PCDH15: variants seen among roughly 807,000 people sequenced by gnomAD.
PCDH15 encodes the protein protocadherin related 15, also known as protocadherin-15.
Under a neutral mutation model 178.5 loss-of-function variants are expected in PCDH15, and 129 were observed. That is an observed-to-expected ratio of 0.72 (90% CI 0.63 to 0.84). The LOEUF (loss-of-function observed/expected upper bound fraction) is 0.84, where lower values mean the gene tolerates loss of function less well. PCDH15 is among the 40% of genes least tolerant of loss of function. The pLI is 0.00. For synonymous variants in PCDH15, 800 were observed against 732.0 expected, an observed-to-expected ratio of 1.09 and a Z score of -1.50; for missense variants, 2,230 against 2,099.9, an observed-to-expected ratio of 1.06 and a Z score of -1.21.
intron 3 of PCDH15, among the ~76,000 whole-genome samples, chr10:54,892,959 A>G (rs1954487575): frequency 6.6e-6 from 1 of 152,052 alleles, no homozygotes; most frequent in Non-Finnish European, 1.5e-5. Flanking sequence ...GGCAAACTTA[A>G]TGAGAAATGT....
chr10:54,797,232 C>T (rs1952126628), intron 1 of PCDH15, among the ~76,000 whole-genome samples: 1 of 151,996 alleles, frequency 6.6e-6, no homozygotes, highest in South Asian at 2.1e-4. Flanking sequence ...AGTTACACCT[C>T]CTATCAATTT....
chr10:54,742,855 A>C (rs1225485335), intron 1 of PCDH15, among the ~76,000 whole-genome samples: 1 of 152,214 alleles, frequency 6.6e-6, no homozygotes, highest in East Asian at 1.9e-4. Context: ...CCACTATGGA[A>C]ATTTATGGAC....
intron 1 of PCDH15, among the ~76,000 whole-genome samples, chr10:55,318,065 G>T: frequency 6.6e-6 from 1 of 150,704 alleles, no homozygotes; most frequent in South Asian, 2.2e-4. Flanking sequence ...AGTTTAGAGC[G>T]TAAAACAACA....
chr10:54,338,891 T>A (rs1227812191), intron 6 of PCDH15, among the ~76,000 whole-genome samples: 1 of 132,032 alleles, frequency 7.6e-6, no homozygotes, highest in Non-Finnish European at 1.6e-5. Flanking sequence ...CAAAAAGACA[T>A]GATAATTATT....
At chr10:54,951,558 C>T (rs1369240867) in intron 2 of PCDH15, among the ~76,000 whole-genome samples, 3 of 151,840 alleles carry the variant, frequency 2.0e-5, no homozygotes, top group Non-Finnish European at 2.9e-5. Context: ...TTAGTTTTCA[C>T]CACATATGGG....
chr10:54,250,832 C>T (rs2056413394), intron 8 of PCDH15, among the ~76,000 whole-genome samples: 1 of 152,134 alleles, frequency 6.6e-6, no homozygotes, highest in South Asian at 2.1e-4. Context: ...ACATCCACTT[C>T]CCAATCTCTC....
At chr10:55,127,027 G>GTA (rs1271517182) in intron 2 of PCDH15, among the ~76,000 whole-genome samples, 1 of 151,854 alleles carries the variant, frequency 6.6e-6, no homozygotes, top group African/African-American at 2.4e-5. Context: ...ACAAAAACTA[G>GTA]TAGAACATAC....
intron 2 of PCDH15, among the ~76,000 whole-genome samples, chr10:55,616,483 A>G (rs1168652149): frequency 6.6e-6 from 1 of 150,442 alleles, no homozygotes; most frequent in African/African-American, 2.5e-5. Flanking sequence ...TTATTTTTTG[A>G]GTTTTCATTA....
chr10:53,869,779 GA>G (rs992303654), intron 26 of PCDH15, among the ~76,000 whole-genome samples: 104 of 146,234 alleles, frequency 7.1e-4, no homozygotes, highest in African/African-American at 9.7e-4. Flanking sequence ...CTTATCTCTT[GA>G]AAAAAAAAAA....
intron 2 of PCDH15, among the ~76,000 whole-genome samples, chr10:54,612,410 T>G (rs1361019109): frequency 1.3e-5 from 2 of 151,796 alleles, no homozygotes; most frequent in African/African-American, 4.8e-5. Flanking sequence ...CATAAAATCT[T>G]TTTTCTTTGC....
At chr10:54,804,927 T>TTATATATATATATA (rs71014419), upstream of PCDH15, among the ~76,000 whole-genome samples, 1,202 of 50,800 alleles carry the variant, frequency 0.024, 208 homozygotes, top group African/African-American at 0.061. Flanking sequence ...TCATAGTAGA[T>TTATATATATATATA]TATATATATA....
At chr10:54,456,739 C>T (rs1305137473) in intron 3 of PCDH15, among the ~76,000 whole-genome samples, 1 of 152,042 alleles carries the variant, frequency 6.6e-6, no homozygotes, top group Admixed American at 6.6e-5. Flanking sequence ...ATTGCAGTTC[C>T]CATAATCTTC....
chr10:54,090,658 A>T (rs916150995), intron 15 of PCDH15, among the ~76,000 whole-genome samples: 1 of 152,064 alleles, frequency 6.6e-6, no homozygotes, highest in Non-Finnish European at 1.5e-5. Flanking sequence ...AAAAAAAAAA[A>T]AAAAGTGCTA....
intron 2 of PCDH15, among the ~76,000 whole-genome samples, chr10:55,001,824 G>A (rs571302305): frequency 6.6e-6 from 1 of 152,298 alleles, no homozygotes; most frequent in South Asian, 2.1e-4. Context: ...GTTTCTGGCT[G>A]GAAAAGCAAC....
chr10:54,096,805 G>A (rs955819207), intron 15 of PCDH15, among the ~76,000 whole-genome samples: 7 of 152,142 alleles, frequency 4.6e-5, no homozygotes, highest in African/African-American at 1.7e-4. Flanking sequence ...TGTGAATTTT[G>A]GGGGAACACA....
intron 1 of PCDH15, among the ~76,000 whole-genome samples, chr10:54,691,174 A>G (rs2095114009): frequency 6.6e-6 from 1 of 152,152 alleles, no homozygotes; most frequent in South Asian, 2.1e-4. Context: ...AGATTTGTAG[A>G]AATGTCTCTG....
intron 18 of PCDH15, among the ~76,000 whole-genome samples, chr10:54,047,092 T>C (rs1407512598): frequency 6.6e-6 from 1 of 152,088 alleles, no homozygotes; most frequent in African/African-American, 2.4e-5. Flanking sequence ...TATAGCTAGA[T>C]AGATGTAGCA....
chr10:54,757,365 C>T (rs1362756615), intron 1 of PCDH15, among the ~76,000 whole-genome samples: 1 of 30,272 alleles, frequency 3.3e-5, no homozygotes, highest in South Asian at 6.5e-4. Flanking sequence ...TCACTGCAAG[C>T]TCCGCCTCCC....
intron 2 of PCDH15, among the ~76,000 whole-genome samples, chr10:55,056,610 T>TTGA (rs1841309943): frequency 7.0e-6 from 1 of 142,992 alleles, no homozygotes; most frequent in Non-Finnish European, 1.5e-5. Flanking sequence ...TTTATTTTGT[T>TTGA]TTATTATTAT....
Sources: allele counts gnomAD v4.1 joint callset (sites outside exome capture counted in the v4.1 genomes callset), GRCh38; gene constraint gnomAD v4.1.1; transcripts MANE v1.5; gene names NCBI Gene and HGNC (gene_info 2026-07-23, HGNC 2026-07-21).